GMDS: variants seen among roughly 807,000 people sequenced by gnomAD.
The protein encoded by GMDS is GDP-mannose 4,6-dehydratase.
Under a neutral mutation model 49.9 loss-of-function variants are expected in GMDS, and 20 were observed. The ratio of observed to expected loss-of-function variants is 0.40; its 90% confidence interval spans 0.28 to 0.58. The LOEUF is 0.58. Among genes scored for constraint, GMDS ranks in the 20% least tolerant of loss-of-function variants. The probability of loss-of-function intolerance (pLI) is 0.42; values close to 1 mark genes in which losing one functional copy is unlikely to be tolerated. For missense variants in GMDS, 362 were observed against 481.4 expected (o/e 0.75, Z 2.32); for synonymous variants, 177 against 178.6 (o/e 0.99, Z 0.07).
intron 7 of GMDS, among the ~76,000 whole-genome samples, chr6:1,790,916 A>T (rs1381983836): frequency 1.3e-5 from 2 of 152,132 alleles, no homozygotes; most frequent in Non-Finnish European, 2.9e-5. Flanking sequence ...GTCTTCACAG[A>T]TGTGATTAAG....
chr6:1,811,633 T>G (rs1241725503), intron 7 of GMDS, among the ~76,000 whole-genome samples: 1 of 150,118 alleles, frequency 6.7e-6, no homozygotes, highest in Non-Finnish European at 1.5e-5. Context: ...TCTTGCTTCC[T>G]GTTACAACAA....
intron 9 of GMDS, among the ~76,000 whole-genome samples, chr6:1,632,789 G>A (rs757099242): frequency 6.6e-6 from 1 of 152,186 alleles, no homozygotes; most frequent in Non-Finnish European, 1.5e-5. Flanking sequence ...TGAGGTGGGA[G>A]GACTGCTTGA....
intron 9 of GMDS, among the ~76,000 whole-genome samples, chr6:1,632,252 T>G (rs1384708786): frequency 1.3e-5 from 2 of 152,138 alleles, no homozygotes; most frequent in Non-Finnish European, 2.9e-5. Context: ...TTAATTTGAG[T>G]GGCAAAGAGG....
At position 1,624,067 on chromosome 6, in the gene GMDS, G is replaced by T. The variant is rs1455320347; in HGVS notation, c.*102C>A. 9.7e-6 allele frequency: 10 copies of T among 1,034,338 alleles called. No homozygotes were observed. The highest frequency in any genetic ancestry group is 1.4e-5 in the Non-Finnish European group (10 of 693,128). 64.1% of individuals were successfully genotyped at this position (1,034,338 alleles called of 1,614,324 possible). On this transcript the variant is annotated 3_prime_UTR_variant, in exon 11 of 11. Transcript: ENST00000380815. ...CGCAGCGGCAGCAGGGGCCGCAGGG[G>T]ACCCGCAGATTGGCACGCCGCTCCC...
intron 9 of GMDS, among the ~76,000 whole-genome samples, chr6:1,684,841 G>A (rs1477766639): frequency 2.0e-5 from 3 of 152,090 alleles, no homozygotes; most frequent in Non-Finnish European, 2.9e-5. Flanking sequence ...GGGTTAAACC[G>A]AGTCCAGCAC....
intron 4 of GMDS, among the ~76,000 whole-genome samples, chr6:1,970,911 C>G (rs1378584596): frequency 6.6e-6 from 1 of 151,394 alleles, no homozygotes; most frequent in Non-Finnish European, 1.5e-5. Context: ...CACGTGTTTA[C>G]CTGTGTAACA....
intron 9 of GMDS, among the ~76,000 whole-genome samples, chr6:1,682,022 T>C (rs79947537): frequency 1.3e-3 from 199 of 151,614 alleles, no homozygotes; most frequent in African/African-American, 4.7e-3. Context: ...TGGAAAGATA[T>C]GAGATTTAGA....
chr6:2,127,156 C>T (rs1411410715), intron 1 of GMDS, among the ~76,000 whole-genome samples: 1 of 152,072 alleles, frequency 6.6e-6, no homozygotes, highest in African/African-American at 2.4e-5. Flanking sequence ...AGTCGGGCTA[C>T]ACAACCACTG....
intron 1 of GMDS, among the ~76,000 whole-genome samples, chr6:2,243,463 AT>A (rs1293509103): frequency 6.6e-6 from 1 of 152,234 alleles, no homozygotes. Context: ...CAATACTAAA[AT>A]AAAATCTCTA....
At chr6:1,746,103 C>T (rs1018499991) in intron 7 of GMDS, among the ~76,000 whole-genome samples, 8 of 152,240 alleles carry the variant, frequency 5.3e-5, no homozygotes, top group African/African-American at 1.9e-4. Context: ...TTCCTGTTCA[C>T]ATGCTGGACC....
At chr6:2,181,531 T>C (rs959707096) in intron 1 of GMDS, among the ~76,000 whole-genome samples, 4 of 152,208 alleles carry the variant, frequency 2.6e-5, no homozygotes, top group African/African-American at 9.7e-5. Flanking sequence ...CAATCCTGTG[T>C]CATACATTTT....
chr6:1,966,588 C>T (rs568929538), intron 4 of GMDS, among the ~76,000 whole-genome samples: 22 of 152,252 alleles, frequency 1.4e-4, no homozygotes, highest in African/African-American at 4.3e-4. Flanking sequence ...GTTTTCTCCC[C>T]GACCCACCCT....
chr6:1,851,048 T>C (rs1210707054), intron 7 of GMDS, among the ~76,000 whole-genome samples: 1 of 152,202 alleles, frequency 6.6e-6, no homozygotes, highest in East Asian at 1.9e-4. Flanking sequence ...TAACAGACTA[T>C]AAACAACAGC....
intron 1 of GMDS, among the ~76,000 whole-genome samples, chr6:2,244,959 C>A (rs912847364): frequency 1.3e-5 from 2 of 152,220 alleles, no homozygotes; most frequent in African/African-American, 4.8e-5. Flanking sequence ...ATCACCGGTT[C>A]TTTTCCCTTT....
Position 2,124,743 on chromosome 6 carries a change from G to A in GMDS, c.103-12C>T. 1 of 1,610,618 alleles carries A rather than the reference G, an allele frequency of 6.2e-7. No homozygotes were observed. Among genetic ancestry groups the A allele is most frequent in the Non-Finnish European group, 8.5e-7 (1 of 1,177,426 alleles). ...AGGTAGGAACCATCCTGGGGAGAAA[G>A]AAAAAATTGCAAAACGTCAGTCTCA... On this transcript the variant is annotated splice_polypyrimidine_tract_variant and intron_variant, in intron 1 of 10. Coordinates refer to ENST00000380815, the MANE Select transcript of GMDS (RefSeq NM_001500.4).
At chr6:2,115,539 C>A (rs1260855021) in intron 4 of GMDS, among the ~76,000 whole-genome samples, 1 of 152,162 alleles carries the variant, frequency 6.6e-6, no homozygotes, top group Non-Finnish European at 1.5e-5. Flanking sequence ...TAAACAAATA[C>A]TGCTATTCCA....
intron 9 of GMDS, among the ~76,000 whole-genome samples, chr6:1,695,563 A>G (rs1448459907): frequency 6.6e-6 from 1 of 152,236 alleles, no homozygotes; most frequent in Non-Finnish European, 1.5e-5. Flanking sequence ...TCTCTCATGC[A>G]GCAGTAGATA....
Position 2,180,901 on chromosome 6 carries a change from A to T in GMDS, c.103-56170T>A, listed in dbSNP as rs1778490374. Among the ~76,000 whole-genome samples, 5 of 152,210 alleles carry T rather than the reference A, an allele frequency of 3.3e-5. No individual in the cohort carries two copies. The South Asian group carries it at 1.0e-3, about 32-fold the overall frequency. On this transcript the variant is annotated intron_variant, in intron 1 of 10. Coordinates refer to ENST00000380815, the MANE Select transcript of GMDS (RefSeq NM_001500.4). ...GATGGATGAAGGCCAGGTGCGGTGG[A>T]TCAAGCCTGTAATCCCAGCACTTTG...
At chr6:1,789,324 T>A (rs1769435361) in intron 7 of GMDS, among the ~76,000 whole-genome samples, 1 of 152,190 alleles carries the variant, frequency 6.6e-6, no homozygotes, top group Admixed American at 6.5e-5. Flanking sequence ...AGGCCCTGAC[T>A]CTCTAAGCCC....
Sources: allele counts gnomAD v4.1 joint callset (sites outside exome capture counted in the v4.1 genomes callset), GRCh38; gene constraint gnomAD v4.1.1; transcripts MANE v1.5; gene names NCBI Gene and HGNC (gene_info 2026-07-23, HGNC 2026-07-21).